The following NRG3 variants were observed in gnomAD, a reference collection of about 807,000 sequenced individuals.
NRG3 encodes pro-neuregulin-3, membrane-bound isoform.
A neutral mutation model predicts 66.9 loss-of-function variants in NRG3; 31 were observed. The observed-to-expected ratio is 0.46, with a 90% CI of 0.35 to 0.63. The LOEUF is 0.63. NRG3 is among the 20% of genes least tolerant of loss of function. The pLI is 0.00. For synonymous variants in NRG3, 393 were observed against 359.4 expected (o/e 1.09, Z -1.06); for missense variants, 910 against 878.9 (o/e 1.04, Z -0.45).
At chr10:82,251,662 G>A (rs59085621) in intron 1 of NRG3, among the ~76,000 whole-genome samples, 2,311 of 152,282 alleles carry the variant, frequency 0.015, 63 homozygotes, top group African/African-American at 0.052. Flanking sequence ...AAATTGATCA[G>A]TGTGGGATTT....
intron 2 of NRG3, among the ~76,000 whole-genome samples, chr10:82,444,760 A>G (rs1366565934): frequency 4.6e-5 from 7 of 152,198 alleles, no homozygotes; most frequent in Admixed American, 4.6e-4. Context: ...ATAAAAAACA[A>G]TTGGAAGATT....
intron 3 of NRG3, among the ~76,000 whole-genome samples, chr10:82,766,982 GA>G (rs1169208032): frequency 6.8e-6 from 1 of 146,172 alleles, no homozygotes; most frequent in African/African-American, 2.5e-5. Flanking sequence ...TTAATATGTG[GA>G]TATATTGTGG....
intron 1 of NRG3, among the ~76,000 whole-genome samples, chr10:82,250,935 C>A (rs148704804): frequency 1.3e-5 from 2 of 152,160 alleles, no homozygotes; most frequent in Non-Finnish European, 2.9e-5. Flanking sequence ...TGCATTTGAT[C>A]GGCAGTCTTG....
intron 1 of NRG3, among the ~76,000 whole-genome samples, chr10:82,035,661 A>G (rs1195469547): frequency 6.6e-6 from 1 of 152,154 alleles, no homozygotes; most frequent in Non-Finnish European, 1.5e-5. Context: ...TAAGGGATAT[A>G]TAAAAAATAG....
At chr10:82,582,927 C>G (rs1005415008) in intron 2 of NRG3, among the ~76,000 whole-genome samples, 2 of 152,012 alleles carry the variant, frequency 1.3e-5, no homozygotes, top group Admixed American at 1.3e-4. Context: ...ATACTTTTTA[C>G]TTGGCAAGTC....
At chr10:82,896,685 C>A (rs1180329490) in intron 4 of NRG3, among the ~76,000 whole-genome samples, 2 of 152,062 alleles carry the variant, frequency 1.3e-5, no homozygotes, top group African/African-American at 4.8e-5. Context: ...AGCAAAACAA[C>A]CTGAAACTAG....
chr10:82,821,208 A>ACGTTGTC (rs2135573372), intron 3 of NRG3, among the ~76,000 whole-genome samples: 1 of 152,248 alleles, frequency 6.6e-6, no homozygotes, highest in African/African-American at 2.4e-5. Context: ...TTGTGGCATC[A>ACGTTGTC]CGTTGTCCCT....
At chr10:82,658,358 A>G (rs1246877597) in intron 2 of NRG3, among the ~76,000 whole-genome samples, 2 of 152,156 alleles carry the variant, frequency 1.3e-5, no homozygotes, top group South Asian at 2.1e-4. Context: ...TTCCTGATAG[A>G]AAAACAAAAA....
At chr10:82,132,479 G>GACATATATATCATATATATATATC (rs2068916739) in intron 1 of NRG3, among the ~76,000 whole-genome samples, 1 of 62,498 alleles carries the variant, frequency 1.6e-5, no homozygotes, top group Non-Finnish European at 3.2e-5. Context: ...ATATATATAT[G>GACATATATATCATATATATATATC]ATATATATAT....
chr10:82,291,638 C>A (rs889938016), intron 1 of NRG3, among the ~76,000 whole-genome samples: 1 of 152,164 alleles, frequency 6.6e-6, no homozygotes, highest in Non-Finnish European at 1.5e-5. Context: ...AATAGAAATT[C>A]TTTAAATAGA....
chr10:82,452,042 T>C (rs2091039041), intron 2 of NRG3, among the ~76,000 whole-genome samples: 6 of 152,228 alleles, frequency 3.9e-5, no homozygotes, highest in Admixed American at 3.9e-4. Context: ...TCTTCTATTG[T>C]TTTGTCTGCC....
At chr10:81,999,359 G>T (rs994974397) in intron 1 of NRG3, among the ~76,000 whole-genome samples, 7 of 152,120 alleles carry the variant, frequency 4.6e-5, no homozygotes, top group African/African-American at 1.7e-4. Context: ...AAAGAAGTAC[G>T]TTGGTGTTTT....
chr10:82,770,107 C>T (rs1311512934), intron 3 of NRG3, among the ~76,000 whole-genome samples: 1 of 152,012 alleles, frequency 6.6e-6, no homozygotes, highest in Non-Finnish European at 1.5e-5. Context: ...TTATATTATT[C>T]TTATTTATTT....
At chr10:82,483,868 G>A (rs747709047) in intron 2 of NRG3, among the ~76,000 whole-genome samples, 3 of 152,112 alleles carry the variant, frequency 2.0e-5, no homozygotes, top group Non-Finnish European at 2.9e-5. Flanking sequence ...TTTAGAAATG[G>A]CAACAAATCT....
chr10:81,997,476 C>T (rs768069836), intron 1 of NRG3, among the ~76,000 whole-genome samples: 1 of 152,180 alleles, frequency 6.6e-6, no homozygotes, highest in East Asian at 1.9e-4. Flanking sequence ...AACATGTAAA[C>T]TGATGGAAGC....
intron 2 of NRG3, among the ~76,000 whole-genome samples, chr10:82,509,964 C>G (rs749054421): frequency 6.6e-6 from 1 of 152,104 alleles, no homozygotes; most frequent in African/African-American, 2.4e-5. Flanking sequence ...CCTGTTTTCT[C>G]GCAGACAAGG....
chr10:82,848,631 A>C (rs2063419703), intron 3 of NRG3, among the ~76,000 whole-genome samples: 1 of 152,000 alleles, frequency 6.6e-6, no homozygotes, highest in South Asian at 2.1e-4. Context: ...AGGACATGAG[A>C]TTTGGGAAGG....
chr10:82,677,807 C>T (rs1270982682), intron 2 of NRG3, among the ~76,000 whole-genome samples: 2 of 152,118 alleles, frequency 1.3e-5, no homozygotes, highest in African/African-American at 4.8e-5. Context: ...GGAAGGGGGC[C>T]AAGTGGGCAA....
chr10:82,871,022 A>G (rs1300418054), intron 4 of NRG3, among the ~76,000 whole-genome samples: 1 of 152,086 alleles, frequency 6.6e-6, no homozygotes, highest in East Asian at 1.9e-4. Flanking sequence ...ATACTCTCAT[A>G]TGTGATCTGC....
Sources: gnomAD v4.1 joint callset for allele counts (sites outside exome capture counted in the v4.1 genomes callset) on GRCh38, gnomAD v4.1.1 for gene constraint, MANE v1.5 for transcripts, NCBI Gene and HGNC (gene_info 2026-07-23, HGNC 2026-07-21) for gene names.